Variants in FRAS1 observed in about 807,000 individuals in gnomAD.
FRAS1 encodes Fraser extracellular matrix complex subunit 1.
A neutral mutation model predicts 435.2 loss-of-function variants in FRAS1; 290 were observed. The observed-to-expected ratio is 0.67, with a 90% CI of 0.61 to 0.73. The LOEUF (loss-of-function observed/expected upper bound fraction) is 0.73. Among genes scored for constraint, FRAS1 ranks in the 30% least tolerant of loss-of-function variants. The pLI, the probability that FRAS1 is intolerant of heterozygous loss-of-function variation, is 0.00. For synonymous variants in FRAS1, 1,800 were observed against 1,851.0 expected (o/e 0.97, Z 0.71); for missense variants, 4,860 against 5,001.5 (o/e 0.97, Z 0.85).
intron 38 of FRAS1, among the ~76,000 whole-genome samples, chr4:78,435,727 G>T (rs1734394990): frequency 6.9e-6 from 1 of 144,558 alleles, no homozygotes; most frequent in South Asian, 2.2e-4. Flanking sequence ...AACAGAGTGA[G>T]ACTCTGTCTC....
At chr4:78,223,143 G>A (rs1724126583) in intron 2 of FRAS1, among the ~76,000 whole-genome samples, 2 of 152,296 alleles carry the variant, frequency 1.3e-5, no homozygotes, top group South Asian at 4.1e-4. Flanking sequence ...TGCTTGGTCT[G>A]AGTACTGAGT....
chr4:78,538,074 C>T (rs10031621), intron 72 of FRAS1, among the ~76,000 whole-genome samples: 44,956 of 152,002 alleles, frequency 0.3, 7,660 homozygotes, highest in South Asian at 0.53. Flanking sequence ...AATTCAGAAG[C>T]AGTTATGAGA....
chr4:78,239,844 T>C (rs1578201512), intron 3 of FRAS1, among the ~76,000 whole-genome samples: 1 of 152,312 alleles, frequency 6.6e-6, no homozygotes, highest in East Asian at 1.9e-4. Context: ...CTTGATCTTT[T>C]ACTTCAAGTC....
intron 29 of FRAS1, among the ~76,000 whole-genome samples, chr4:78,396,201 G>A (rs1216911790): frequency 6.6e-6 from 1 of 152,054 alleles, no homozygotes; most frequent in Non-Finnish European, 1.5e-5. Flanking sequence ...TTCATTTAAA[G>A]AATTTGTAGT....
chr4:78,113,340 A>C (rs1164313202), intron 2 of FRAS1, among the ~76,000 whole-genome samples: 1 of 152,062 alleles, frequency 6.6e-6, no homozygotes, highest in Non-Finnish European at 1.5e-5. Context: ...TGGGTATGTA[A>C]CCAGTAATGG....
chr4:78,532,970 G>A (rs13144877), intron 70 of FRAS1, among the ~76,000 whole-genome samples: 65,572 of 152,208 alleles, frequency 0.43, 14,870 homozygotes, highest in East Asian at 0.79. Flanking sequence ...CTACAAGATG[G>A]TGATTTCCCC....
intron 30 of FRAS1, among the ~76,000 whole-genome samples, chr4:78,404,407 CA>C (rs769957965): frequency 0.052 from 5,967 of 115,698 alleles, 329 homozygotes; most frequent in African/African-American, 0.15. Flanking sequence ...TGAGGTACTA[CA>C]AAAAAAAAAA....
chr4:78,245,888 C>A (rs2110124855), intron 4 of FRAS1, among the ~76,000 whole-genome samples: 1 of 152,228 alleles, frequency 6.6e-6, no homozygotes, highest in Admixed American at 6.5e-5. Flanking sequence ...CATTTAGCTG[C>A]ATCCCTGGTC....
At chr4:78,176,908 C>G (rs549591252) in intron 2 of FRAS1, among the ~76,000 whole-genome samples, 3 of 152,306 alleles carry the variant, frequency 2.0e-5, no homozygotes, top group African/African-American at 7.2e-5. Context: ...ACCATTCAAC[C>G]TACTCTTGGC....
At chr4:78,406,320 G>C (rs1405984035) in intron 30 of FRAS1, among the ~76,000 whole-genome samples, 6 of 152,190 alleles carry the variant, frequency 3.9e-5, no homozygotes, top group Non-Finnish European at 7.4e-5. Context: ...AAGTGTATTA[G>C]TCTGTTTTCA....
At chr4:78,133,557 G>C (rs1719779187) in intron 2 of FRAS1, among the ~76,000 whole-genome samples, 2 of 152,040 alleles carry the variant, frequency 1.3e-5, no homozygotes, top group Non-Finnish European at 2.9e-5. Flanking sequence ...ATAAATGTTT[G>C]AGGGAACAGA....
chr4:78,104,234 AC>A (rs1328550426), intron 2 of FRAS1, among the ~76,000 whole-genome samples: 5 of 152,346 alleles, frequency 3.3e-5, no homozygotes, highest in African/African-American at 1.2e-4. Flanking sequence ...TGCTAATTTC[AC>A]ATGAACCAAG....
intron 2 of FRAS1, among the ~76,000 whole-genome samples, chr4:78,173,250 T>C (rs779662658): frequency 6.6e-6 from 1 of 152,242 alleles, no homozygotes; most frequent in African/African-American, 2.4e-5. Context: ...CTCATCTCTC[T>C]CTTGAGCGCA....
chr4:78,369,858 A>T lies in FRAS1; in HGVS notation c.2743A>T (p.Ser915Cys), dbSNP rs767802566. ...VCQPCNTHCG[S>C]CDSQASCTSC... ...CTCAGCATGCAACACACACTGTGGA[A>T]GCTGTGATTCACAGGCCAGCTGTAC... is the stretch of plus-strand genomic sequence containing the variant. Residue 915 changes from serine to cysteine, a missense_variant, in exon 23 of 74, where the codon AGC becomes TGC. Ser to Cys is a moderately radical substitution (Grantham distance 112). Coordinates refer to ENST00000512123, the MANE Select transcript of FRAS1 (RefSeq NM_025074.7). 2 of 1,613,304 alleles carry T rather than the reference A, an allele frequency of 1.2e-6. No homozygotes were observed. The highest frequency in any genetic ancestry group is 1.7e-6 in the Non-Finnish European group (2 of 1,179,618).
At chr4:78,147,567 A>G (rs930917194) in intron 2 of FRAS1, among the ~76,000 whole-genome samples, 1 of 152,172 alleles carries the variant, frequency 6.6e-6, no homozygotes, top group Non-Finnish European at 1.5e-5. Flanking sequence ...GCCTCTGAAG[A>G]AGGGACCAAT....
intron 54 of FRAS1, among the ~76,000 whole-genome samples, 149 bp from the exon 55 acceptor site, chr4:78,477,657 CCAGGTGATG>C (rs1719890690): frequency 1.3e-5 from 2 of 152,256 alleles, no homozygotes; most frequent in Admixed American, 1.3e-4. Context: ...GCTGGGTGTT[CCAGGTGATG>C]CAGCAGGGAA....
chr4:78,210,295 G>C lies in FRAS1; in HGVS notation c.109-27215G>C, dbSNP rs577798963. ...CTGGGCTGAAGGCCCTGGTCTCTGT[G>C]TTCTCATTCTAAGCCACTCATACCT... On this transcript the variant is annotated intron_variant, in intron 2 of 73. Transcript: ENST00000512123. 1.4e-3 allele frequency among the ~76,000 whole-genome samples: 212 copies of C among 152,314 alleles called. 1 individual carries two copies. Among genetic ancestry groups the C allele is most frequent in the African/African-American group, 4.3e-3 (177 of 41,572 alleles).
chr4:78,466,879 A>C (rs1197222199), intron 50 of FRAS1, among the ~76,000 whole-genome samples: 1 of 152,134 alleles, frequency 6.6e-6, no homozygotes, highest in African/African-American at 2.4e-5. Context: ...GAGAAATAGC[A>C]GTGGATAAGA....
chr4:78,108,921 C>T (rs1331738109), intron 2 of FRAS1, among the ~76,000 whole-genome samples: 3 of 112,442 alleles, frequency 2.7e-5, no homozygotes, highest in East Asian at 2.2e-4. Context: ...GGGGATATCA[C>T]CACCGATCCC....
Sources: allele counts gnomAD v4.1 joint callset (sites outside exome capture counted in the v4.1 genomes callset), GRCh38; gene constraint gnomAD v4.1.1; transcripts MANE v1.5; gene names NCBI Gene and HGNC (gene_info 2026-07-23, HGNC 2026-07-21).